ST6GALNAC3: variants seen among roughly 807,000 people sequenced by gnomAD.
ST6GALNAC3 encodes alpha-N-acetylgalactosaminide alpha-2,6-sialyltransferase 3.
Under a neutral mutation model 32.7 loss-of-function variants are expected in ST6GALNAC3, and 25 were observed. The observed-to-expected ratio is 0.76, with a 90% CI of 0.56 to 1.07. The LOEUF (loss-of-function observed/expected upper bound fraction) is 1.07. Among genes scored for constraint, ST6GALNAC3 ranks in the 50% least tolerant of loss-of-function variants. The pLI is 0.00. For missense variants in ST6GALNAC3, 355 were observed against 382.4 expected, an observed-to-expected ratio of 0.93 and a Z score of 0.60; for synonymous variants, 129 against 133.1, an observed-to-expected ratio of 0.97 and a Z score of 0.21.
chr1:76,338,013 T>C (rs17098784), intron 2 of ST6GALNAC3, among the ~76,000 whole-genome samples: 4,868 of 152,182 alleles, frequency 0.032, 251 homozygotes, highest in African/African-American at 0.11. Context: ...GGAGCACCTA[T>C]CTCTATCTTG....
intron 3 of ST6GALNAC3, among the ~76,000 whole-genome samples, chr1:76,471,178 C>T (rs1008661431): frequency 6.6e-6 from 1 of 152,078 alleles, no homozygotes; most frequent in African/African-American, 2.4e-5. Flanking sequence ...CTTGGATTTT[C>T]CTGCCTCTGT....
intron 1 of ST6GALNAC3, among the ~76,000 whole-genome samples, chr1:76,187,292 A>G (rs1234437558): frequency 2.6e-5 from 4 of 152,146 alleles, no homozygotes. Flanking sequence ...CTGAAGTTCT[A>G]TAATTGCTTA....
chr1:76,567,504 G>A (rs1665623199), intron 3 of ST6GALNAC3, among the ~76,000 whole-genome samples: 2 of 152,152 alleles, frequency 1.3e-5, no homozygotes, highest in South Asian at 4.1e-4. Context: ...ATGTTATAAA[G>A]TGTCATATTT....
chr1:76,365,731 C>T (rs1650313053), intron 2 of ST6GALNAC3, among the ~76,000 whole-genome samples: 1 of 152,132 alleles, frequency 6.6e-6, no homozygotes, highest in Admixed American at 6.5e-5. Context: ...ACAATAATGA[C>T]AAGCATGGCC....
intron 3 of ST6GALNAC3, among the ~76,000 whole-genome samples, chr1:76,582,831 C>T (rs1331588911): frequency 2.0e-5 from 3 of 152,078 alleles, no homozygotes; most frequent in Non-Finnish European, 1.5e-5. Flanking sequence ...TGTTCACACT[C>T]CTAGTTGCTT....
rs577106427 is a variant in ST6GALNAC3 at position 76,531,179 on chromosome 1, T to C, written c.624-96273T>C. ...GTCTCCAAGTTGCTATTCCAGTGAA[T>C]GCAATGTATGCAGAACATGTCAAAC... is the stretch of plus-strand genomic sequence containing the variant. On this transcript the variant is annotated intron_variant, in intron 3 of 4. Coordinates refer to ENST00000328299, the MANE Select transcript of ST6GALNAC3 (RefSeq NM_152996.4). Among the ~76,000 whole-genome samples, 77 of 152,326 alleles carry C rather than the reference T, an allele frequency of 5.1e-4. 1 individual carries two copies. The highest frequency in any genetic ancestry group is 1.8e-3 in the African/African-American group (75 of 41,588).
Position 76,547,078 on chromosome 1 carries a change from A to C in ST6GALNAC3, c.624-80374A>C, listed in dbSNP as rs567342899. 9.3e-4 allele frequency among the ~76,000 whole-genome samples: 141 copies of C among 152,364 alleles called. 1 individual carries two copies. Among genetic ancestry groups the C allele is most frequent in the African/African-American group, 3.2e-3 (135 of 41,594 alleles). ...CTAAAATAGCCAAGAAGAAACTTGC[A>C]GAGTAACCATTAAATTAAGATTTTT... On this transcript the variant is annotated intron_variant, in intron 3 of 4. Transcript: ENST00000328299.
At chr1:76,500,744 A>G (rs960802135) in intron 3 of ST6GALNAC3, among the ~76,000 whole-genome samples, 1 of 152,314 alleles carries the variant, frequency 6.6e-6, no homozygotes, top group African/African-American at 2.4e-5. Context: ...GAGACTTTGC[A>G]AAGACCTGGT....
chr1:76,341,605 T>TTTTCTTTCCTTC (rs1647977608), intron 2 of ST6GALNAC3, among the ~76,000 whole-genome samples: 1 of 91,186 alleles, frequency 1.1e-5, no homozygotes, highest in Non-Finnish European at 2.2e-5. Flanking sequence ...TCCAAACTGC[T>TTTTCTTTCCTTC]TTTCTTTCTT....
At chr1:76,340,796 G>A (rs1054120878) in intron 2 of ST6GALNAC3, among the ~76,000 whole-genome samples, 9 of 151,984 alleles carry the variant, frequency 5.9e-5, no homozygotes, top group African/African-American at 2.2e-4. Context: ...GTGGGGATTA[G>A]AGAAGACACC....
chr1:76,112,026 C>T (rs1478964645), intron 1 of ST6GALNAC3, among the ~76,000 whole-genome samples: 2 of 150,806 alleles, frequency 1.3e-5, no homozygotes, highest in African/African-American at 2.4e-5. Context: ...CGGGCAGAGG[C>T]GCCCCTCACC....
At chr1:76,086,658 A>C (rs1350335521) in intron 1 of ST6GALNAC3, among the ~76,000 whole-genome samples, 1 of 152,136 alleles carries the variant, frequency 6.6e-6, no homozygotes, top group Non-Finnish European at 1.5e-5. Context: ...AACCCAAGAG[A>C]AGGGAAGCTT....
chr1:76,371,143 A>T (rs1175447061), intron 2 of ST6GALNAC3, among the ~76,000 whole-genome samples: 1 of 152,188 alleles, frequency 6.6e-6, no homozygotes, highest in African/African-American at 2.4e-5. Context: ...AAGAATTTTT[A>T]TTAAATATTT....
intron 3 of ST6GALNAC3, among the ~76,000 whole-genome samples, chr1:76,456,285 A>G (rs1055882580): frequency 6.6e-5 from 10 of 152,216 alleles, no homozygotes; most frequent in Non-Finnish European, 1.5e-4. Context: ...AAACTCATAT[A>G]TGACAGCTAC....
intron 2 of ST6GALNAC3, among the ~76,000 whole-genome samples, chr1:76,383,237 A>ATT (rs1447716649): frequency 6.6e-6 from 1 of 152,070 alleles, no homozygotes; most frequent in East Asian, 1.9e-4. Flanking sequence ...GTAAACAGCA[A>ATT]ACCCACATTA....
intron 3 of ST6GALNAC3, among the ~76,000 whole-genome samples, chr1:76,575,605 T>C (rs568842773): frequency 6.6e-6 from 1 of 152,078 alleles, no homozygotes; most frequent in South Asian, 2.1e-4. Flanking sequence ...TATGAGGAGT[T>C]GGGGAGATGG....
At chr1:76,405,779 T>TCTCA (rs899245187) in intron 2 of ST6GALNAC3, among the ~76,000 whole-genome samples, 8 of 152,026 alleles carry the variant, frequency 5.3e-5, no homozygotes, top group Admixed American at 4.6e-4. Flanking sequence ...TCCCTCTCTC[T>TCTCA]CTCACTCACT....
At position 76,630,893 on chromosome 1, in the gene ST6GALNAC3, A is replaced by T; in HGVS notation, c.*2087A>T. On this transcript the variant is annotated 3_prime_UTR_variant, in exon 5 of 5. Transcript: ENST00000328299. ...GACAAATGTTAAAATTGCCATACAG[A>T]CTGTTTTTCCCCCTGTTGTTTCACT... 1.0e-6 allele frequency: 1 copy of T among 985,682 alleles called. No homozygotes were observed. The highest frequency in any genetic ancestry group is 1.2e-6 in the Non-Finnish European group (1 of 829,834). 61.1% of individuals were successfully genotyped at this position (985,682 alleles called of 1,614,324 possible).
chr1:76,206,131 C>T (rs1032294107), intron 1 of ST6GALNAC3, among the ~76,000 whole-genome samples: 66 of 152,002 alleles, frequency 4.3e-4, no homozygotes, highest in African/African-American at 1.4e-3. Context: ...AAAATAAGGC[C>T]GTAAAAGTCA....
Sources: allele counts gnomAD v4.1 joint callset (sites outside exome capture counted in the v4.1 genomes callset), GRCh38; gene constraint gnomAD v4.1.1; transcripts MANE v1.5; gene names NCBI Gene and HGNC (gene_info 2026-07-23, HGNC 2026-07-21).